GUCY1A2: variants seen among roughly 807,000 people sequenced by gnomAD.
GUCY1A2 encodes the protein guanylate cyclase soluble subunit alpha-2.
A neutral mutation model predicts 63.5 loss-of-function variants in GUCY1A2; 27 were observed. The ratio of observed to expected loss-of-function variants is 0.43; its 90% CI spans 0.31 to 0.59. The LOEUF (loss-of-function observed/expected upper bound fraction) is 0.59, where lower values mean the gene tolerates loss of function less well. Ranked by LOEUF, GUCY1A2 falls within the 20% of genes least tolerant of loss-of-function variation. The probability of loss-of-function intolerance (pLI) is 0.11; values close to 1 mark genes in which losing one functional copy is unlikely to be tolerated. For synonymous variants in GUCY1A2, 364 were observed against 343.5 expected (o/e 1.06, Z -0.66); for missense variants, 768 against 913.3 (o/e 0.84, Z 2.05).
At chr11:106,756,716 G>C (rs185574672) in intron 6 of GUCY1A2, among the ~76,000 whole-genome samples, 1 of 152,290 alleles carries the variant, frequency 6.6e-6, no homozygotes, top group Non-Finnish European at 1.5e-5. Flanking sequence ...CGAGAGATCT[G>C]CTGTTAGTCT....
rs767475685 is a variant in GUCY1A2 at position 106,978,619 on chromosome 11, C to T, written c.487G>A (p.Gly163Ser). 2.7e-6 allele frequency: 4 copies of T among 1,487,388 alleles called. No individual in the cohort carries two copies. Among genetic ancestry groups the T allele is most frequent in the South Asian group, 1.2e-5 (1 of 85,864 alleles). 92.1% of individuals were successfully genotyped at this position (1,487,388 alleles called of 1,614,324 possible). The change falls in exon 3 of 8, where the codon GGT becomes AGT. Residue 163 changes from glycine to serine, a missense_variant and splice_region_variant. This residue lies in a region of GUCY1A2 where 496 missense variants were observed against 486.9 expected (regional missense o/e 1.02). Transcript: ENST00000526355. Reference sequence around the variant, plus strand: ...ATATAAATATATATAGTTAATATACCGAGTATATTAGCAGTACACTGAAGA... The same window carrying T: ...ATATAAATATATATAGTTAATATACTGAGTATATTAGCAGTACACTGAAGA... Reference protein sequence around the residue: ...GILQCTANILGLKFEEIQKRF... With the variant: ...GILQCTANILSLKFEEIQKRF...
chr11:106,929,066 AG>A (rs1490212462), intron 4 of GUCY1A2, among the ~76,000 whole-genome samples: 6 of 152,238 alleles, frequency 3.9e-5, no homozygotes, highest in African/African-American at 1.4e-4. Context: ...CCAGTATAAT[AG>A]AAATGTGTAA....
At chr11:106,709,541 T>A (rs1192278124) in intron 6 of GUCY1A2, among the ~76,000 whole-genome samples, 1 of 64,298 alleles carries the variant, frequency 1.6e-5, no homozygotes, top group African/African-American at 9.7e-5. Flanking sequence ...ATATAATATA[T>A]TATATTATTA....
At chr11:106,727,694 A>G (rs916888180) in intron 6 of GUCY1A2, among the ~76,000 whole-genome samples, 3 of 152,246 alleles carry the variant, frequency 2.0e-5, no homozygotes, top group Non-Finnish European at 2.9e-5. Context: ...ACTTATATTC[A>G]GAAACTAGAC....
chr11:106,827,151 T>G lies in GUCY1A2; in HGVS notation c.1207-16673A>C, dbSNP rs370226252. ...GGTGAATCTTATGAGAAAACTCTTT[T>G]GTTCCTTTAAGATTCAAGCCTTCAT... On this transcript the variant is annotated intron_variant, in intron 4 of 7. Coordinates refer to ENST00000526355, the MANE Select transcript of GUCY1A2 (RefSeq NM_000855.3). 3.3e-5 allele frequency: 49 copies of G among 1,493,442 alleles called. No individual in the cohort carries two copies. The African/African-American group carries it at 6.8e-4, about 21-fold the overall frequency. 92.5% of individuals were successfully genotyped at this position (1,493,442 alleles called of 1,614,324 possible). A position where few individuals can be genotyped will look rare whatever the true frequency, so the allele number is the denominator to read the frequency against.
At chr11:106,974,056 A>G (rs975754471) in intron 3 of GUCY1A2, among the ~76,000 whole-genome samples, 1 of 152,066 alleles carries the variant, frequency 6.6e-6, no homozygotes, top group Non-Finnish European at 1.5e-5. Flanking sequence ...TTTTCAACCC[A>G]AGTAGTCTGG....
At chr11:106,981,081 T>G (rs1331711372) in intron 2 of GUCY1A2, among the ~76,000 whole-genome samples, 5 of 152,238 alleles carry the variant, frequency 3.3e-5, no homozygotes, top group Admixed American at 3.3e-4. Context: ...AGATATTAGC[T>G]TTTGTCTAAT....
intron 4 of GUCY1A2, among the ~76,000 whole-genome samples, chr11:106,856,469 A>T (rs879745442): frequency 6.6e-6 from 1 of 151,840 alleles, no homozygotes; most frequent in Non-Finnish European, 1.5e-5. Context: ...TGGCAATCTT[A>T]TTTTCCTTAT....
chr11:106,995,039 C>T (rs1861517465), intron 1 of GUCY1A2, among the ~76,000 whole-genome samples: 1 of 152,168 alleles, frequency 6.6e-6, no homozygotes, highest in Admixed American at 6.5e-5. Context: ...TGCTCCTAGA[C>T]ATTTTCTCAG....
intron 6 of GUCY1A2, among the ~76,000 whole-genome samples, chr11:106,754,699 T>A (rs960197438): frequency 7.9e-5 from 12 of 152,246 alleles, no homozygotes; most frequent in African/African-American, 2.9e-4. Context: ...AACCCAGGGA[T>A]GAAGCTGACT....
intron 4 of GUCY1A2, among the ~76,000 whole-genome samples, chr11:106,869,947 T>C (rs907516531): frequency 3.3e-5 from 5 of 152,100 alleles, no homozygotes; most frequent in Non-Finnish European, 5.9e-5. Flanking sequence ...TGAGTTCATG[T>C]CCTTTGTAGG....
At chr11:106,799,234 A>G (rs1051255983) in intron 5 of GUCY1A2, among the ~76,000 whole-genome samples, 4 of 152,218 alleles carry the variant, frequency 2.6e-5, no homozygotes, top group Non-Finnish European at 5.9e-5. Flanking sequence ...CCACTGCTCA[A>G]TGAAATAAAA....
chr11:106,951,923 A>C (rs1860915018), intron 3 of GUCY1A2, among the ~76,000 whole-genome samples: 1 of 152,190 alleles, frequency 6.6e-6, no homozygotes, highest in African/African-American at 2.4e-5. Context: ...ATAAGGTGTA[A>C]GAAAGGGGTC....
chr11:106,765,050 AT>A (rs1864139182), intron 6 of GUCY1A2, among the ~76,000 whole-genome samples: 1 of 151,422 alleles, frequency 6.6e-6, no homozygotes, highest in South Asian at 2.1e-4. Context: ...TCCAGTATGC[AT>A]TTTTTCCTCT....
At chr11:106,740,821 G>T (rs1432568635) in intron 6 of GUCY1A2, among the ~76,000 whole-genome samples, 1 of 151,996 alleles carries the variant, frequency 6.6e-6, no homozygotes, top group East Asian at 1.9e-4. Flanking sequence ...TTACAGGCAT[G>T]TGCCACCATG....
chr11:106,857,193 T>C (rs769909354), intron 4 of GUCY1A2, among the ~76,000 whole-genome samples: 1 of 152,118 alleles, frequency 6.6e-6, no homozygotes, highest in Non-Finnish European at 1.5e-5. Flanking sequence ...GTTTTGGAGG[T>C]TGGAGGTCCA....
chr11:106,905,816 CTA>C (rs1320391824), intron 4 of GUCY1A2, among the ~76,000 whole-genome samples: 1 of 152,098 alleles, frequency 6.6e-6, no homozygotes, highest in Non-Finnish European at 1.5e-5. Context: ...TTTTCATGAC[CTA>C]TGTTTTGCAT....
rs1332283949 is a variant in GUCY1A2, at chr11:106,684,042, TTTTG to T, written c.*3503_*3506del. The T allele has an allele frequency of 1.0e-5, 2 of 190,796 alleles. No homozygotes were observed. The highest frequency in any genetic ancestry group is 2.2e-5 in the Non-Finnish European group (2 of 90,966). The allele number at this position is 190,796 out of a possible 1,614,324, so 11.8% of individuals were successfully genotyped here. ...AGTCTTGCTCCCCTTGTGAATGAGA[TTTTG>T]TTTAAGTTGTTATTATCCTCTTTTG... On this transcript the variant is annotated 3_prime_UTR_variant, in exon 8 of 8. Coordinates refer to ENST00000526355, the MANE Select transcript of GUCY1A2 (RefSeq NM_000855.3).
Position 106,680,352 on chromosome 11 carries a change from CA to C in GUCY1A2, c.*7196del. ...TTAAGTAGAATTCCTTCTTTATCTG[CA>C]AATAGCAAAAAGTCCACAGAAGAAG... On this transcript the variant is annotated 3_prime_UTR_variant, in exon 8 of 8. Coordinates refer to ENST00000526355, the MANE Select transcript of GUCY1A2 (RefSeq NM_000855.3). 4.8e-6 allele frequency: 1 copy of C among 210,222 alleles called. No homozygotes were observed. The allele number at this position is 210,222 out of a possible 1,614,324, so 13.0% of individuals were successfully genotyped here. A position where few individuals can be genotyped will look rare whatever the true frequency, so the allele number is the denominator to read the frequency against.
Sources: gnomAD v4.1 joint callset for allele counts (sites outside exome capture counted in the v4.1 genomes callset) on GRCh38, gnomAD v4.1.1 for gene constraint, gnomAD v4.1.1 regional missense constraint, MANE v1.5 for transcripts, NCBI Gene and HGNC (gene_info 2026-07-23, HGNC 2026-07-21) for gene names.